SLC24A2: variants seen among roughly 807,000 people sequenced by gnomAD.
SLC24A2 encodes the protein solute carrier family 24 member 2, also known as sodium/potassium/calcium exchanger 2.
SLC24A2 carries 36 observed loss-of-function variants against 62.0 expected under a neutral mutation model. The ratio of observed to expected loss-of-function variants is 0.58; its 90% confidence interval spans 0.44 to 0.77. The LOEUF is 0.77. Ranked by LOEUF, SLC24A2 falls within the 30% of genes least tolerant of loss-of-function variation. The pLI is 0.00. For synonymous variants in SLC24A2, 358 were observed against 294.0 expected, an observed-to-expected ratio of 1.22 and a Z score of -2.23; for missense variants, 846 against 817.9, an observed-to-expected ratio of 1.03 and a Z score of -0.42.
At chr9:19,555,366 T>A (rs1374163515) in intron 7 of SLC24A2, among the ~76,000 whole-genome samples, 2 of 152,144 alleles carry the variant, frequency 1.3e-5, no homozygotes, top group East Asian at 3.9e-4. Context: ...ATGTAATCGA[T>A]AAGATTCTTT....
chr9:20,148,985 G>A, the SLC24A2 span, among the ~76,000 whole-genome samples: 1,491 of 152,148 alleles, frequency 9.8e-3, 28 homozygotes, highest in African/African-American at 0.033. Context: ...GGCAAAACTC[G>A]GGGGGTTTTC....
At chr9:19,984,307 A>G in the SLC24A2 span, among the ~76,000 whole-genome samples, 2 of 152,168 alleles carry the variant, frequency 1.3e-5, no homozygotes, top group Non-Finnish European at 2.9e-5. Context: ...AAAGAAGAAT[A>G]TTGGAGGACT....
intron 2 of SLC24A2, among the ~76,000 whole-genome samples, chr9:19,683,877 C>G (rs1359023602): frequency 6.6e-6 from 1 of 152,072 alleles, no homozygotes; most frequent in Admixed American, 6.6e-5. Context: ...CTCCACACCT[C>G]TTTTTGTTTC....
At chr9:19,680,590 C>A (rs1413351390) in intron 2 of SLC24A2, among the ~76,000 whole-genome samples, 3 of 129,898 alleles carry the variant, frequency 2.3e-5, no homozygotes, top group African/African-American at 8.1e-5. Flanking sequence ...ATGAGAAATG[C>A]AGATAGTTCT....
At chr9:19,833,810 A>AC in the SLC24A2 span, among the ~76,000 whole-genome samples, 1 of 152,228 alleles carries the variant, frequency 6.6e-6, no homozygotes, top group African/African-American at 2.4e-5. Flanking sequence ...GAGTAGCCTA[A>AC]CTGGGGGGCA....
At chr9:19,764,355 G>C (rs1029784268) in intron 2 of SLC24A2, among the ~76,000 whole-genome samples, 3 of 151,974 alleles carry the variant, frequency 2.0e-5, no homozygotes, top group Non-Finnish European at 2.9e-5. Context: ...TTTTGAATTT[G>C]TTTGCTCTTG....
intron 5 of SLC24A2, among the ~76,000 whole-genome samples, chr9:19,579,199 G>A (rs1435166457): frequency 6.6e-6 from 1 of 152,192 alleles, no homozygotes; most frequent in Non-Finnish European, 1.5e-5. Context: ...GGAAAAGGAG[G>A]TGGTAAAGAA....
the SLC24A2 span, among the ~76,000 whole-genome samples, chr9:20,261,070 G>T: frequency 4.0e-5 from 6 of 151,894 alleles, no homozygotes; most frequent in South Asian, 2.1e-4. Flanking sequence ...TGGCCAGGAT[G>T]GTCTCGATCT....
At chr9:19,601,133 G>A (rs990332041) in intron 4 of SLC24A2, among the ~76,000 whole-genome samples, 11 of 152,030 alleles carry the variant, frequency 7.2e-5, no homozygotes, top group African/African-American at 2.4e-5. Flanking sequence ...TCAGTGCTCT[G>A]TAGCCAGCAA....
chr9:19,947,407 G>A, the SLC24A2 span, among the ~76,000 whole-genome samples: 1 of 149,288 alleles, frequency 6.7e-6, no homozygotes, highest in Non-Finnish European at 1.5e-5. Flanking sequence ...AGGGAAGGAA[G>A]GAAGGAGGAA....
chr9:19,560,546 C>G (rs1185668739), intron 7 of SLC24A2, among the ~76,000 whole-genome samples: 1 of 152,220 alleles, frequency 6.6e-6, no homozygotes, highest in Non-Finnish European at 1.5e-5. Context: ...CAGCAGCCAT[C>G]TGCAAACCAA....
the SLC24A2 span, among the ~76,000 whole-genome samples, chr9:20,195,093 G>T: frequency 3.9e-5 from 6 of 152,048 alleles, no homozygotes; most frequent in Non-Finnish European, 7.4e-5. Flanking sequence ...GATAAGATTT[G>T]TCCATGCTGG....
chr9:20,092,106 A>G, the SLC24A2 span, among the ~76,000 whole-genome samples: 1 of 152,186 alleles, frequency 6.6e-6, no homozygotes, highest in Non-Finnish European at 1.5e-5. Context: ...TGAACAGTGG[A>G]AGGAGGGAGA....
intron 7 of SLC24A2, among the ~76,000 whole-genome samples, chr9:19,559,405 G>C (rs965922672): frequency 8.5e-5 from 13 of 152,124 alleles, no homozygotes; most frequent in Non-Finnish European, 1.3e-4. Flanking sequence ...AAGATGAAAG[G>C]CAAAATTTCA....
the SLC24A2 span, among the ~76,000 whole-genome samples, chr9:19,879,423 G>A: frequency 4.6e-5 from 7 of 152,258 alleles, no homozygotes; most frequent in Middle Eastern, 3.4e-3. Flanking sequence ...CCTATATAGA[G>A]CATCATATAA....
At chr9:20,084,456 TTTCC>T in the SLC24A2 span, among the ~76,000 whole-genome samples, 1 of 151,736 alleles carries the variant, frequency 6.6e-6, no homozygotes. Context: ...CCTTCCTTCC[TTTCC>T]TTCCTTCTTT....
chr9:20,240,383 T>G, the SLC24A2 span, among the ~76,000 whole-genome samples: 1 of 151,918 alleles, frequency 6.6e-6, no homozygotes, highest in Non-Finnish European at 1.5e-5. Context: ...TGCTGAGTGT[T>G]GGAGGAAATA....
chr9:19,569,525 C>T (rs1386872926), intron 7 of SLC24A2, among the ~76,000 whole-genome samples: 3 of 152,178 alleles, frequency 2.0e-5, no homozygotes, highest in African/African-American at 7.2e-5. Context: ...TACTTCTCCT[C>T]CCCTCCACGT....
the SLC24A2 span, among the ~76,000 whole-genome samples, chr9:20,163,327 T>C: frequency 7.5e-4 from 114 of 152,232 alleles, no homozygotes; most frequent in African/African-American, 2.6e-3. Flanking sequence ...AGCATTCTTA[T>C]ATACCAATAA....
Sources: gnomAD v4.1 joint callset for allele counts (sites outside exome capture counted in the v4.1 genomes callset) on GRCh38, gnomAD v4.1.1 for gene constraint, MANE v1.5 for transcripts, NCBI Gene and HGNC (gene_info 2026-07-23, HGNC 2026-07-21) for gene names.